The following PRDM5 variants were observed in gnomAD, a reference collection of about 807,000 sequenced individuals.
PRDM5 encodes PR/SET domain 5, also known as PR domain zinc finger protein 5.
PRDM5 carries 56 observed loss-of-function variants against 81.2 expected under a neutral mutation model. The ratio of observed to expected loss-of-function variants is 0.69; its 90% CI spans 0.56 to 0.86. PRDM5 has a LOEUF of 0.86. Ranked by LOEUF, PRDM5 falls within the 40% of genes least tolerant of loss-of-function variation. The pLI, the probability that PRDM5 is intolerant of heterozygous loss-of-function variation, is 0.00. For missense variants in PRDM5, 697 were observed against 770.1 expected (o/e 0.91, Z 1.12); for synonymous variants, 267 against 256.4 (o/e 1.04, Z -0.39).
At chr4:120,905,001 T>C (rs1191019079) in intron 2 of PRDM5, among the ~76,000 whole-genome samples, 1 of 152,204 alleles carries the variant, frequency 6.6e-6, no homozygotes, top group Non-Finnish European at 1.5e-5. Context: ...TTCACATAAA[T>C]GTATGGTTTC....
At chr4:120,836,973 T>C (rs1263765848) in intron 3 of PRDM5, among the ~76,000 whole-genome samples, 1 of 152,198 alleles carries the variant, frequency 6.6e-6, no homozygotes, top group Non-Finnish European at 1.5e-5. Context: ...AAGATTTATA[T>C]AGAGTGAAAG....
chr4:120,744,170 C>T (rs2149118981), intron 14 of PRDM5, among the ~76,000 whole-genome samples: 2 of 152,086 alleles, frequency 1.3e-5, no homozygotes, highest in East Asian at 3.9e-4. Flanking sequence ...CAACGTGCTC[C>T]TGAATGACTA....
chr4:120,875,046 C>T (rs948618283), intron 2 of PRDM5, among the ~76,000 whole-genome samples: 5 of 152,026 alleles, frequency 3.3e-5, no homozygotes, highest in South Asian at 2.1e-4. Context: ...TTCTGATGGG[C>T]GGTGGACGGA....
intron 14 of PRDM5, among the ~76,000 whole-genome samples, chr4:120,715,761 G>A (rs747416958): frequency 6.6e-6 from 1 of 152,172 alleles, no homozygotes; most frequent in African/African-American, 2.4e-5. Flanking sequence ...AAGACATGAT[G>A]GGCATGGCAC....
chr4:120,869,064 T>C (rs879378163), intron 2 of PRDM5, among the ~76,000 whole-genome samples: 27 of 152,310 alleles, frequency 1.8e-4, no homozygotes, highest in African/African-American at 6.0e-4. Flanking sequence ...CATATATATG[T>C]TTCCATCGAT....
chr4:120,696,540 T>A (rs775836536), intron 15 of PRDM5, among the ~76,000 whole-genome samples: 1 of 152,176 alleles, frequency 6.6e-6, no homozygotes, highest in Non-Finnish European at 1.5e-5. Context: ...ATTCTGACTC[T>A]ACTATTTACT....
At chr4:120,835,447 T>C (rs2149379577) in intron 3 of PRDM5, among the ~76,000 whole-genome samples, 1 of 152,328 alleles carries the variant, frequency 6.6e-6, no homozygotes, top group Admixed American at 6.5e-5. Flanking sequence ...GGTTTGGTTG[T>C]GTCCCCATCC....
chr4:120,692,048 TAA>T lies in PRDM5; in HGVS notation c.*3061_*3062del, dbSNP rs1260234125. ...TATCAATGGTAAAATTTTAGGATTT[TAA>T]AGAGGCACATTTCCTCCTACCTACC... On this transcript the variant is annotated 3_prime_UTR_variant, in exon 16 of 16. Coordinates refer to ENST00000264808, the MANE Select transcript of PRDM5 (RefSeq NM_018699.4). 6.6e-6 allele frequency: 1 copy of T among 152,048 alleles called. No homozygotes were observed. The highest frequency in any genetic ancestry group is 1.5e-5 in the Non-Finnish European group (1 of 67,964). The allele number at this position is 152,048 out of a possible 1,614,324, so 9.4% of individuals were successfully genotyped here.
At chr4:120,877,611 C>A (rs343196) in intron 2 of PRDM5, among the ~76,000 whole-genome samples, 13,116 of 152,128 alleles carry the variant, frequency 0.086, 962 homozygotes, top group African/African-American at 0.2. Flanking sequence ...TCAAGACCAC[C>A]CTGGCCAAGA....
intron 2 of PRDM5, among the ~76,000 whole-genome samples, chr4:120,875,054 G>T (rs1181826362): frequency 6.6e-6 from 1 of 152,178 alleles, no homozygotes; most frequent in African/African-American, 2.4e-5. Context: ...GGCGGTGGAC[G>T]GAGAGTGTTC....
At position 120,839,072 on chromosome 4, in the gene PRDM5, C is replaced by T; in HGVS notation, c.300+14346G>A. 8 of 581,734 alleles carry T rather than the reference C, an allele frequency of 1.4e-5. No individual in the cohort carries two copies. The South Asian group carries it at 1.7e-4, about 12-fold the overall frequency. 36.0% of individuals were successfully genotyped at this position (581,734 alleles called of 1,614,324 possible). A position where few individuals can be genotyped will look rare whatever the true frequency, so the allele number is the denominator to read the frequency against. ...CAGGGAACACAGTGGCATCCAGAAG[C>T]TCGGAGACACCAGGAACTGCAGCAC... On this transcript the variant is annotated intron_variant, in intron 3 of 15. Transcript: ENST00000264808.
chr4:120,840,063 G>T (rs1757825206), intron 3 of PRDM5, among the ~76,000 whole-genome samples: 1 of 152,220 alleles, frequency 6.6e-6, no homozygotes, highest in South Asian at 2.1e-4. Flanking sequence ...AGCAGCACAG[G>T]GAGGCCTGGG....
At chr4:120,759,174 C>A (rs1008973522) in intron 13 of PRDM5, among the ~76,000 whole-genome samples, 2 of 152,176 alleles carry the variant, frequency 1.3e-5, no homozygotes, top group African/African-American at 4.8e-5. Flanking sequence ...TATTTCTACC[C>A]CATGCCACCC....
intron 8 of PRDM5, among the ~76,000 whole-genome samples, chr4:120,809,814 T>C (rs1034634316): frequency 1.3e-5 from 2 of 152,230 alleles, no homozygotes; most frequent in Non-Finnish European, 2.9e-5. Context: ...TGAAGGACTA[T>C]GGCTGAAATG....
At chr4:120,847,935 G>A (rs960971779) in intron 3 of PRDM5, among the ~76,000 whole-genome samples, 2 of 152,090 alleles carry the variant, frequency 1.3e-5, no homozygotes, top group African/African-American at 4.8e-5. Context: ...GGCACAGAAA[G>A]TCCCACCTAA....
chr4:120,909,844 T>C (rs113838849), intron 1 of PRDM5, among the ~76,000 whole-genome samples: 1 of 8,164 alleles, frequency 1.2e-4, no homozygotes, highest in Non-Finnish European at 3.8e-4. Flanking sequence ...ACAATCACTC[T>C]CTATCATAAA....
chr4:120,731,649 T>C (rs1326858033), intron 14 of PRDM5: 2 of 152,150 alleles, frequency 1.3e-5, no homozygotes, highest in African/African-American at 4.8e-5. Context: ...AGTTGGTGGG[T>C]AGGACTTCCA....
chr4:120,839,022 C>T (rs113175819), intron 3 of PRDM5: 45 of 562,774 alleles, frequency 8.0e-5, no homozygotes, highest in East Asian at 3.7e-4. Flanking sequence ...ACAGGCACAC[C>T]GCAAGTAGCT....
At chr4:120,724,963 G>C (rs1350759731) in intron 14 of PRDM5, among the ~76,000 whole-genome samples, 1 of 152,150 alleles carries the variant, frequency 6.6e-6, no homozygotes, top group African/African-American at 2.4e-5. Flanking sequence ...ACCTGCCCCA[G>C]TCAAACTTAA....
Sources: allele counts gnomAD v4.1 joint callset (sites outside exome capture counted in the v4.1 genomes callset), GRCh38; gene constraint gnomAD v4.1.1; transcripts MANE v1.5; gene names NCBI Gene and HGNC (gene_info 2026-07-23, HGNC 2026-07-21).